The following MRPS10 variants were observed in gnomAD, a reference collection of about 807,000 sequenced individuals.
MRPS10 encodes small ribosomal subunit protein uS10m.
Under a neutral mutation model 27.5 loss-of-function variants are expected in MRPS10, and 23 were observed. That is an observed-to-expected ratio of 0.84 (90% CI 0.60 to 1.18). MRPS10 has a LOEUF of 1.18. Among genes scored for constraint, MRPS10 ranks in the 50% most tolerant of loss-of-function variants. The pLI, the probability that MRPS10 is intolerant of heterozygous loss-of-function variation, is 0.00. For synonymous variants in MRPS10, 88 were observed against 84.2 expected, an observed-to-expected ratio of 1.04 and a Z score of -0.25; for missense variants, 237 against 240.1, an observed-to-expected ratio of 0.99 and a Z score of 0.09.
In MRPS10 at chr6:42,214,446, G is replaced by A. The variant is rs1357406009; in HGVS notation, c.49-102C>T. 6.4e-6 allele frequency: 5 copies of A among 785,072 alleles called. No homozygotes were observed. In the African/African-American group the frequency reaches 8.9e-5, roughly 14 times the overall value. 48.6% of individuals were successfully genotyped at this position (785,072 alleles called of 1,614,324 possible). On this transcript the variant is annotated intron_variant, in intron 1 of 6. Coordinates refer to ENST00000053468, the MANE Select transcript of MRPS10 (RefSeq NM_018141.4). ...AAAAGGTTACCTCATTATTTCAGAC[G>A]AAGATACTGGGGTAACTAAAATGGC...
chr6:42,210,487 C>G lies in MRPS10; in HGVS notation c.432+1G>C. 7.1e-7 allele frequency: 1 copy of G among 1,414,038 alleles called. No individual in the cohort carries two copies. Among genetic ancestry groups the G allele is most frequent in the South Asian group, 1.3e-5 (1 of 75,792 alleles). The allele number at this position is 1,414,038 out of a possible 1,614,324, so 87.6% of individuals were successfully genotyped here. On this transcript the variant is annotated splice_donor_variant, in intron 5 of 6. Transcript: ENST00000053468. LOFTEE classifies it high-confidence loss of function. Reference sequence around the variant, plus strand: ...TGCCAGAATTTCTCAAATACACTCACCTCTAAACATCTGTAAAGTGTTCTC... The same window carrying G: ...TGCCAGAATTTCTCAAATACACTCAGCTCTAAACATCTGTAAAGTGTTCTC...
chr6:42,208,511 G>A, intron 6 of MRPS10, 139 bp from the exon 7 acceptor site: 1 of 692,702 alleles, frequency 1.4e-6, no homozygotes, highest in South Asian at 1.9e-5. Flanking sequence ...TTTTGAAATG[G>A]AAAGAAGGAA....
At chr6:42,210,348 TA>T in intron 5 of MRPS10, 139 bp downstream of exon 5, 5 of 370,796 alleles carry the variant, frequency 1.3e-5, no homozygotes, top group South Asian at 1.3e-4. Flanking sequence ...CCATAAACAC[TA>T]AAAGATATTT....
intron 1 of MRPS10, among the ~76,000 whole-genome samples, chr6:42,216,073 G>C (rs1319248348): frequency 7.0e-6 from 1 of 143,826 alleles, no homozygotes; most frequent in African/African-American, 2.6e-5. Context: ...GCCCAGGCTG[G>C]AGTACAGTGG....
chr6:42,210,212 A>G (rs1214500433), intron 5 of MRPS10, among the ~76,000 whole-genome samples: 1 of 152,236 alleles, frequency 6.6e-6, no homozygotes, highest in Admixed American at 6.5e-5. Flanking sequence ...AAACTTCACT[A>G]GAATTTTTGA....
intron 1 of MRPS10, among the ~76,000 whole-genome samples, chr6:42,216,166 G>C (rs965602736): frequency 9.3e-5 from 14 of 151,168 alleles, no homozygotes; most frequent in Non-Finnish European, 1.9e-4. Flanking sequence ...TGGGATTACA[G>C]GGGCCCACCG....
chr6:42,209,001 T>G (rs1768694046), intron 5 of MRPS10, 54 bp from the exon 6 acceptor site: 1 of 1,157,530 alleles, frequency 8.6e-7, no homozygotes, highest in Non-Finnish European at 1.2e-6. Flanking sequence ...AAAGCACGGT[T>G]TTTTGTTTTT....
chr6:42,212,056 C>G (rs1002042249), intron 3 of MRPS10, 139 bp from the exon 4 acceptor site: 1 of 709,950 alleles, frequency 1.4e-6, no homozygotes, highest in Admixed American at 2.8e-5. Context: ...GCAGTGTTAG[C>G]TGAAGTGTCT....
At chr6:42,216,385 A>AGAGAGTGTGTGTGTGT in intron 1 of MRPS10, among the ~76,000 whole-genome samples, 14 of 58,702 alleles carry the variant, frequency 2.4e-4, no homozygotes, top group African/African-American at 6.2e-4. Flanking sequence ...AGAGAGAGAG[A>AGAGAGTGTGTGTGTGT]GTGTGTGTGT....
chr6:42,208,975 ATGTAAGC>A, intron 5 of MRPS10, 28 bp from the exon 6 acceptor site: 1 of 1,454,724 alleles, frequency 6.9e-7, no homozygotes, highest in Non-Finnish European at 9.5e-7. Flanking sequence ...AAAATGTTTC[ATGTAAGC>A]TGTTTGTTAA....
rs1203374761 is a variant in MRPS10, at chr6:42,214,316, G to A, written c.77C>T (p.Ser26Phe). 5 of 1,611,920 alleles carry A rather than the reference G, an allele frequency of 3.1e-6. No individual in the cohort carries two copies. Among genetic ancestry groups the A allele is most frequent in the Non-Finnish European group, 4.2e-6 (5 of 1,178,910 alleles). Residue 26 changes from serine (S) to phenylalanine (F), a missense_variant, in exon 2 of 7, where the codon TCT (serine) becomes TTT (phenylalanine). Coordinates refer to ENST00000053468, the MANE Select transcript of MRPS10 (RefSeq NM_018141.4). ...QGLGNFSVNT[S>F]KGNTAKNGGL... ...ACCATTTTTGGCTGTATTGCCCTTA[G>A]AAGTGTTTACAGAAAAATTCCCCAA...
At chr6:42,211,728 G>T (rs1430847706) in intron 4 of MRPS10, 53 bp downstream of exon 4, 43 of 1,520,324 alleles carry the variant, frequency 2.8e-5, no homozygotes, top group Admixed American at 1.0e-4. Flanking sequence ...CTATTTTCCT[G>T]GTTGATCATA....
At chr6:42,211,412 G>A (rs956155208) in intron 4 of MRPS10, among the ~76,000 whole-genome samples, 6 of 151,634 alleles carry the variant, frequency 4.0e-5, no homozygotes, top group Admixed American at 1.3e-4. Flanking sequence ...CAGGTGCAGT[G>A]GCTCACGCCT....
In MRPS10 at chr6:42,216,359, T is replaced by TGAGAGAGAGAGAGAGAGAGAGA. The variant is rs373981686; in HGVS notation, c.48+1421_48+1442dup. ...AATTGCATTTTTTCTTTGTATTTCTTGAGAGAGAGAGAGAGAGAGAGAGAG... is the reference window on the plus strand; with the variant it reads ...AATTGCATTTTTTCTTTGTATTTCTTGAGAGAGAGAGAGAGAGAGAGAGAGAGAGAGAGAGAGAGAGAGAGAG... On this transcript the variant is annotated intron_variant, in intron 1 of 6. Coordinates refer to ENST00000053468, the MANE Select transcript of MRPS10 (RefSeq NM_018141.4). Among the ~76,000 whole-genome samples, 47 of 58,208 alleles carry TGAGAGAGAGAGAGAGAGAGAGA rather than the reference T, an allele frequency of 8.1e-4. 2 individuals carry two copies. Among genetic ancestry groups the TGAGAGAGAGAGAGAGAGAGAGA allele is most frequent in the East Asian group, 7.6e-3 (5 of 658 alleles). The allele number at this position is 58,208 out of a possible 152,430, so 38.2% of individuals were successfully genotyped here.
At position 42,217,861 on chromosome 6, in the gene MRPS10, C is replaced by G. The variant is rs765958766; in HGVS notation, c.-12G>C. ...GTCCGCGCCGCCATCTTGCCGGTCC[C>G]GACCTCTCAGGATTGCTTCCGGGGT... On this transcript the variant is annotated 5_prime_UTR_variant, in exon 1 of 7. Transcript: ENST00000053468. 1 of 1,613,752 alleles carries G rather than the reference C, an allele frequency of 6.2e-7. No individual in the cohort carries two copies.
chr6:42,217,756 C>A, intron 1 of MRPS10, 46 bp downstream of exon 1: 1 of 1,601,556 alleles, frequency 6.2e-7, no homozygotes, highest in Non-Finnish European at 8.5e-7. Flanking sequence ...AACTTAAAAG[C>A]AACTATCCCG....
rs1430935881 is a variant in MRPS10 at position 42,207,860 on chromosome 6, C to T, written c.*429G>A. ...TGCCAGCCTGCACAAAGGTAAATAG[C>T]AAAAACTTTAACTGCTCAATCTGAA... On this transcript the variant is annotated 3_prime_UTR_variant, in exon 7 of 7. Transcript: ENST00000053468. The T allele has an allele frequency of 5.6e-6, 1 of 177,828 alleles. No individual in the cohort carries two copies. The highest frequency in any genetic ancestry group is 2.4e-5 in the African/African-American group (1 of 41,500). 11.0% of individuals were successfully genotyped at this position (177,828 alleles called of 1,614,324 possible).
At position 42,207,078 on chromosome 6, in the gene MRPS10, T is replaced by A. The variant is rs190134395; in HGVS notation, c.*1211A>T. The A allele has an allele frequency of 6.6e-6, 1 of 152,186 alleles. No individual in the cohort carries two copies. 9.4% of individuals were successfully genotyped at this position (152,186 alleles called of 1,614,324 possible). ...CAACTGTTTCAGCCCATTGTAGTCTTGCCTCTTTCAGGGCTTTAGCCACTA... is the reference window on the plus strand; with the variant it reads ...CAACTGTTTCAGCCCATTGTAGTCTAGCCTCTTTCAGGGCTTTAGCCACTA... On this transcript the variant is annotated 3_prime_UTR_variant, in exon 7 of 7. Transcript: ENST00000053468.
At chr6:42,213,602 G>A (rs1013969604) in intron 3 of MRPS10, among the ~76,000 whole-genome samples, 2 of 152,156 alleles carry the variant, frequency 1.3e-5, no homozygotes, top group African/African-American at 4.8e-5. Context: ...TTGAGGGGTG[G>A]AAATGAAAGG....
Sources: allele counts gnomAD v4.1 joint callset (sites outside exome capture counted in the v4.1 genomes callset), GRCh38; gene constraint gnomAD v4.1.1; transcripts MANE v1.5; gene names NCBI Gene and HGNC (gene_info 2026-07-23, HGNC 2026-07-21).